Variants in ACSL3 observed in about 807,000 individuals in gnomAD.
ACSL3 encodes the protein fatty acid CoA ligase Acsl3.
A neutral mutation model predicts 84.7 loss-of-function variants in ACSL3; 34 were observed. The ratio of observed to expected loss-of-function variants is 0.40; its 90% CI spans 0.31 to 0.53. The LOEUF is 0.53. Among genes scored for constraint, ACSL3 ranks in the 20% least tolerant of loss-of-function variants. The pLI, the probability that ACSL3 is intolerant of heterozygous loss-of-function variation, is 0.48. For missense variants in ACSL3, 680 were observed against 873.1 expected, an observed-to-expected ratio of 0.78 and a Z score of 2.79; for synonymous variants, 315 against 299.4, an observed-to-expected ratio of 1.05 and a Z score of -0.54.
chr2:222,892,551 A>G (rs1412604694), intron 2 of ACSL3, among the ~76,000 whole-genome samples: 2 of 152,162 alleles, frequency 1.3e-5, no homozygotes, highest in Non-Finnish European at 2.9e-5. Flanking sequence ...CTATTTCATA[A>G]TACATGATTT....
chr2:222,936,839 G>T (rs761109563), intron 16 of ACSL3, among the ~76,000 whole-genome samples: 1 of 152,038 alleles, frequency 6.6e-6, no homozygotes, highest in Non-Finnish European at 1.5e-5. Flanking sequence ...CTTACATGGC[G>T]GCAGGCGAGA....
Position 222,922,692 on chromosome 2 carries a change from C to T in ACSL3, c.957-16C>T. ...GACACCTGACTTTTGTTTCTGACGT[C>T]TCCCTTTTCTTTTAGAGAGGAAGAT... On this transcript the variant is annotated splice_polypyrimidine_tract_variant and intron_variant, in intron 8 of 16. Coordinates refer to ENST00000357430, the MANE Select transcript of ACSL3 (RefSeq NM_004457.5). 6.2e-7 allele frequency: 1 copy of T among 1,613,388 alleles called. No homozygotes were observed. The highest frequency in any genetic ancestry group is 8.5e-7 in the Non-Finnish European group (1 of 1,179,744).
At chr2:222,897,657 C>T (rs1325389576) in intron 2 of ACSL3, among the ~76,000 whole-genome samples, 1 of 39,388 alleles carries the variant, frequency 2.5e-5, no homozygotes, top group Non-Finnish European at 4.0e-5. Flanking sequence ...AACGAGACTC[C>T]GTCTGCCATC....
intron 4 of ACSL3, among the ~76,000 whole-genome samples, chr2:222,914,083 A>G (rs997431483): frequency 6.6e-6 from 1 of 152,220 alleles, no homozygotes; most frequent in African/African-American, 2.4e-5. Context: ...AGCCAGGTGT[A>G]CTTTACTGAA....
rs1475216358 is a variant in ACSL3 at position 222,942,687 on chromosome 2, ATGTG to A, written c.*1038_*1041del. ...CTAGTTTGCACTGATGCGTGTATGG[ATGTG>A]TGTGAGTCAGTGGTAGCTTATTTAA... On this transcript the variant is annotated 3_prime_UTR_variant, in exon 17 of 17. Transcript: ENST00000357430. The A allele has an allele frequency of 1.4e-5, 3 of 210,596 alleles. No homozygotes were observed. The highest frequency in any genetic ancestry group is 2.9e-5 in the Non-Finnish European group (3 of 103,992). The allele number at this position is 210,596 out of a possible 1,614,324, so 13.0% of individuals were successfully genotyped here. A position where few individuals can be genotyped will look rare whatever the true frequency, so the allele number is the denominator to read the frequency against.
At chr2:222,871,628 G>GT (rs1695304528) in intron 1 of ACSL3, among the ~76,000 whole-genome samples, 2 of 152,170 alleles carry the variant, frequency 1.3e-5, no homozygotes, top group South Asian at 2.1e-4. Context: ...GAGCGGTTGT[G>GT]TTTTAGAGCT....
At position 222,943,713 on chromosome 2, in the gene ACSL3, A is replaced by G. The variant is rs1156420558; in HGVS notation, c.*2059A>G. 2.0e-5 allele frequency: 3 copies of G among 152,152 alleles called. No individual in the cohort carries two copies. The highest frequency in any genetic ancestry group is 7.2e-5 in the African/African-American group (3 of 41,460). The allele number at this position is 152,152 out of a possible 1,614,324, so 9.4% of individuals were successfully genotyped here. On this transcript the variant is annotated 3_prime_UTR_variant, in exon 17 of 17. Coordinates refer to ENST00000357430, the MANE Select transcript of ACSL3 (RefSeq NM_004457.5). ...AATTAAGTAGAGTCCCCTTTTAAAC[A>G]AATTTGTCTGTAAGCAAAACTATCT... is the stretch of plus-strand genomic sequence containing the variant.
At chr2:222,882,603 A>G (rs1695616898) in intron 1 of ACSL3, among the ~76,000 whole-genome samples, 2 of 152,100 alleles carry the variant, frequency 1.3e-5, no homozygotes, top group African/African-American at 4.8e-5. Flanking sequence ...AATCTGATGC[A>G]GCTGCTGTTC....
At chr2:222,898,959 A>G (rs1696065762) in intron 2 of ACSL3, among the ~76,000 whole-genome samples, 1 of 152,252 alleles carries the variant, frequency 6.6e-6, no homozygotes. Flanking sequence ...TTAGAAACAC[A>G]TTCAAGTGTG....
Position 222,938,754 on chromosome 2 carries a change from A to G in ACSL3, c.2006-2743A>G, listed in dbSNP as rs115427212. Among the ~76,000 whole-genome samples, 304 of 152,272 alleles carry G rather than the reference A, an allele frequency of 2.0e-3. 3 individuals carry two copies. Among genetic ancestry groups the G allele is most frequent in the African/African-American group, 6.9e-3 (285 of 41,552 alleles). The stretch of plus-strand genomic sequence containing the variant: ...TTCTGTCTTCTTTTTCTGAACTCCT[A>G]TAATGAGCATTTTTCCACTTGATGG... On this transcript the variant is annotated intron_variant, in intron 16 of 16. Transcript: ENST00000357430.
rs1696784945 is a variant in ACSL3, at chr2:222,923,140, A to C, written c.1143A>C (p.Ala381=). The change falls in exon 10 of 17, where the codon GCA becomes GCC. Residue 381 remains alanine (A), a synonymous_variant. Transcript: ENST00000357430. ...CCATGTTGAAACCAACACTGATGGC[A>C]GCAGTTCCGGTAAGAAGTGACCCTT... ...DTSMLKPTLM[A]AVPEIMDRIY... 6.2e-7 allele frequency: 1 copy of C among 1,613,802 alleles called. No individual in the cohort carries two copies. The highest frequency in any genetic ancestry group is 2.2e-5 in the East Asian group (1 of 44,848).
At chr2:222,934,436 T>C in intron 15 of ACSL3, 94 bp from the exon 16 acceptor site, 1 of 1,040,670 alleles carries the variant, frequency 9.6e-7, no homozygotes, top group Non-Finnish European at 1.3e-6. Context: ...TTAAAAAAAA[T>C]GAGGAGTTAT....
intron 5 of ACSL3, among the ~76,000 whole-genome samples, chr2:222,916,852 A>T (rs1696596315): frequency 6.6e-6 from 1 of 152,174 alleles, no homozygotes; most frequent in African/African-American, 2.4e-5. Flanking sequence ...TTGACCTCCG[A>T]AACACTTCCA....
intron 13 of ACSL3, 67 bp downstream of exon 13, chr2:222,929,003 C>A: frequency 1.5e-6 from 2 of 1,336,420 alleles, no homozygotes; most frequent in Non-Finnish European, 2.1e-6. Context: ...TAGTGCTTCA[C>A]TTTCTTGCTT....
At chr2:222,920,797 G>C (rs1322105817) in intron 7 of ACSL3, among the ~76,000 whole-genome samples, 2 of 152,226 alleles carry the variant, frequency 1.3e-5, no homozygotes, top group African/African-American at 4.8e-5. Context: ...ATTGTTTCTT[G>C]CCACTCTTCC....
At chr2:222,863,703 G>A (rs1695068811) in intron 1 of ACSL3, among the ~76,000 whole-genome samples, 1 of 152,044 alleles carries the variant, frequency 6.6e-6, no homozygotes, top group African/African-American at 2.4e-5. Flanking sequence ...CGCTTCACAG[G>A]GTCATTTAAC....
chr2:222,901,964 A>AAAAAAAAAAACAATG (rs57522671), intron 3 of ACSL3, among the ~76,000 whole-genome samples: 2 of 99,456 alleles, frequency 2.0e-5, no homozygotes, highest in Admixed American at 1.4e-4. Context: ...AAAAAAAAAA[A>AAAAAAAAAAACAATG]GAACTCAAAT....
rs76752936 is a variant in ACSL3, at chr2:222,935,909, A to G, written c.2005+1222A>G. ...CTTGCAAAACGGAGACACTATACCCATTACACTAATTCCCCTTCCCTCTCT... is the reference window on the plus strand; with the variant it reads ...CTTGCAAAACGGAGACACTATACCCGTTACACTAATTCCCCTTCCCTCTCT... On this transcript the variant is annotated intron_variant, in intron 16 of 16. Transcript: ENST00000357430. 1.9e-3 allele frequency among the ~76,000 whole-genome samples: 286 copies of G among 152,202 alleles called. 1 individual carries two copies. The highest frequency in any genetic ancestry group is 6.4e-3 in the African/African-American group (264 of 41,526).
rs1373950357 is a variant in ACSL3 at position 222,900,790 on chromosome 2, T to C, written c.-41+10T>C. ...CTCTTGATCGAGGAAGGTAAAGAATTACTTTCACTGATTTTTATCTAATTT... is the reference window on the plus strand; with the variant it reads ...CTCTTGATCGAGGAAGGTAAAGAATCACTTTCACTGATTTTTATCTAATTT... On this transcript the variant is annotated intron_variant, in intron 3 of 16. Transcript: ENST00000357430. 2 of 152,238 alleles carry C rather than the reference T, an allele frequency of 1.3e-5. No homozygotes were observed. The highest frequency in any genetic ancestry group is 2.4e-5 in the African/African-American group (1 of 41,452). The allele number at this position is 152,238 out of a possible 1,614,324, so 9.4% of individuals were successfully genotyped here. A position where few individuals can be genotyped will look rare whatever the true frequency, so the allele number is the denominator to read the frequency against.
Sources: gnomAD v4.1 joint callset for allele counts (sites outside exome capture counted in the v4.1 genomes callset) on GRCh38, gnomAD v4.1.1 for gene constraint, MANE v1.5 for transcripts, NCBI Gene and HGNC (gene_info 2026-07-23, HGNC 2026-07-21) for gene names.